Variants in SIPA1L1 observed in about 807,000 individuals in gnomAD.
SIPA1L1 encodes the protein signal-induced proliferation-associated 1-like protein 1.
Under a neutral mutation model 162.7 loss-of-function variants are expected in SIPA1L1, and 26 were observed. That is an observed-to-expected ratio of 0.16 (90% CI 0.12 to 0.22). The LOEUF is 0.22. SIPA1L1 is among the 10% of genes least tolerant of loss of function. The pLI is 1.00. For synonymous variants in SIPA1L1, 829 were observed against 837.4 expected (o/e 0.99, Z 0.17); for missense variants, 1,874 against 2,241.0 (o/e 0.84, Z 3.31).
chr14:71,561,790 T>C (rs908692513), intron 4 of SIPA1L1, among the ~76,000 whole-genome samples: 2 of 152,234 alleles, frequency 1.3e-5, no homozygotes, highest in Non-Finnish European at 2.9e-5. Context: ...TTTCACCATG[T>C]TGGTCAGGCT....
chr14:71,578,263 CTTTG>C (rs1177240534), intron 4 of SIPA1L1, among the ~76,000 whole-genome samples: 1 of 151,924 alleles, frequency 6.6e-6, no homozygotes, highest in Non-Finnish European at 1.5e-5. Flanking sequence ...TGAGGTCTTG[CTTTG>C]TTTGAGTCCA....
chr14:71,446,894 GTTTTTTTTTTTGTTTTTTTTT>G (rs757030278), intron 2 of SIPA1L1, among the ~76,000 whole-genome samples: 4 of 87,406 alleles, frequency 4.6e-5, no homozygotes, highest in African/African-American at 1.3e-4. Flanking sequence ...GATGGGCTCT[GTTTTTTTTTTTGTTTTTTTTT>G]TTTTTTTTTT....
intron 2 of SIPA1L1, among the ~76,000 whole-genome samples, chr14:71,358,107 C>G (rs1178622721): frequency 6.6e-6 from 1 of 152,080 alleles, no homozygotes; most frequent in Non-Finnish European, 1.5e-5. Flanking sequence ...AATGATCTAC[C>G]TGCCTGGACC....
chr14:71,395,098 AAG>A (rs1443792862), intron 2 of SIPA1L1, among the ~76,000 whole-genome samples: 4 of 152,216 alleles, frequency 2.6e-5, no homozygotes, highest in South Asian at 4.1e-4. Context: ...TTTTCTTAAA[AAG>A]AGTTTGTAAT....
intron 10 of SIPA1L1, among the ~76,000 whole-genome samples, chr14:71,663,554 A>G (rs943678636): frequency 4.6e-5 from 7 of 152,206 alleles, no homozygotes; most frequent in African/African-American, 1.4e-4. Flanking sequence ...CAAGTGCTCA[A>G]TAGCCACAGC....
intron 8 of SIPA1L1, among the ~76,000 whole-genome samples, chr14:71,654,466 C>A (rs575672621): frequency 6.6e-6 from 1 of 152,242 alleles, no homozygotes; most frequent in African/African-American, 2.4e-5. Context: ...TTGTTTGTCA[C>A]GTCAGTACAC....
intron 4 of SIPA1L1, among the ~76,000 whole-genome samples, chr14:71,575,974 T>G (rs1281150854): frequency 6.6e-6 from 1 of 152,238 alleles, no homozygotes; most frequent in African/African-American, 2.4e-5. Context: ...ATAACCATGA[T>G]TACGTTTTAG....
At chr14:71,364,291 T>C (rs946567754) in intron 2 of SIPA1L1, among the ~76,000 whole-genome samples, 6 of 152,172 alleles carry the variant, frequency 3.9e-5, no homozygotes, top group Admixed American at 2.0e-4. Context: ...CCCACCCTTT[T>C]TAATGTAAAC....
chr14:71,711,104 C>G (rs1423795194), intron 17 of SIPA1L1, among the ~76,000 whole-genome samples: 1 of 152,210 alleles, frequency 6.6e-6, no homozygotes, highest in Non-Finnish European at 1.5e-5. Context: ...ACCACTACCA[C>G]ATTGCAGATC....
At position 71,669,608 on chromosome 14, in the gene SIPA1L1, C is replaced by T. The variant is rs1036352207; in HGVS notation, c.2256-1511C>T. Among the ~76,000 whole-genome samples the T allele has an allele frequency of 8.5e-5, 13 of 152,242 alleles. 1 individual carries two copies. The East Asian group carries it at 9.6e-4, about 11-fold the overall frequency. Reference sequence around the variant, plus strand: ...CAAATTAAAATTATACAGCTGTCAGCGTTCAAGTCAGGCAGTTCACAATAG... The same window carrying T: ...CAAATTAAAATTATACAGCTGTCAGTGTTCAAGTCAGGCAGTTCACAATAG... On this transcript the variant is annotated intron_variant, in intron 10 of 23. Coordinates refer to ENST00000381232, the MANE Select transcript of SIPA1L1 (RefSeq NM_001386936.1).
At chr14:71,729,192 C>T (rs896028305) in intron 19 of SIPA1L1, among the ~76,000 whole-genome samples, 2 of 152,034 alleles carry the variant, frequency 1.3e-5, no homozygotes, top group Admixed American at 6.6e-5. Flanking sequence ...TGCACCACCA[C>T]GGCTGGGTAA....
chr14:71,556,168 G>C (rs369941627), intron 4 of SIPA1L1, among the ~76,000 whole-genome samples: 2 of 152,160 alleles, frequency 1.3e-5, no homozygotes, highest in East Asian at 3.9e-4. Context: ...TGCCTGTATT[G>C]TATTTATTGA....
At chr14:71,384,851 G>A (rs1443356906) in intron 2 of SIPA1L1, among the ~76,000 whole-genome samples, 1 of 152,204 alleles carries the variant, frequency 6.6e-6, no homozygotes. Context: ...CTTCAGATCG[G>A]TAGGGACTTT....
chr14:71,330,252 G>C lies in SIPA1L1; in HGVS notation c.-465+9071G>C, dbSNP rs1291708654. On this transcript the variant is annotated intron_variant, in intron 2 of 23. Coordinates refer to ENST00000381232, the MANE Select transcript of SIPA1L1 (RefSeq NM_001386936.1). ...CTCCCAACTCCACTATTCCAGGGAG[G>C]GGCTGAAAGTAGAAGTGGCTCCCCT... 4.4e-6 allele frequency: 3 copies of C among 678,842 alleles called. No homozygotes were observed. The African/African-American group carries it at 5.3e-5, about 12-fold the overall frequency. 42.1% of individuals were successfully genotyped at this position (678,842 alleles called of 1,614,324 possible).
intron 3 of SIPA1L1, among the ~76,000 whole-genome samples, chr14:71,521,650 A>T (rs1303545501): frequency 6.6e-6 from 1 of 152,224 alleles, no homozygotes; most frequent in South Asian, 2.1e-4. Flanking sequence ...TTTGCTACAA[A>T]TATGTGTCCA....
intron 2 of SIPA1L1, among the ~76,000 whole-genome samples, chr14:71,508,830 T>G (rs1051273640): frequency 6.6e-5 from 10 of 152,338 alleles, no homozygotes; most frequent in Non-Finnish European, 1.3e-4. Context: ...GAGTAGCGAT[T>G]GTCATAGATT....
intron 2 of SIPA1L1, among the ~76,000 whole-genome samples, chr14:71,458,877 C>T (rs1274279803): frequency 1.3e-5 from 2 of 151,886 alleles, no homozygotes; most frequent in East Asian, 1.9e-4. Context: ...TAGAGACCAA[C>T]CTGGCCTCTA....
intron 5 of SIPA1L1, among the ~76,000 whole-genome samples, chr14:71,593,393 G>A (rs1357917357): frequency 1.3e-5 from 2 of 151,844 alleles, no homozygotes; most frequent in African/African-American, 2.4e-5. Context: ...TGTATTTTTA[G>A]TAGAGATGGG....
At position 71,672,620 on chromosome 14, in the gene SIPA1L1, G is replaced by A. The variant is rs754497542; in HGVS notation, c.3102G>A (p.Arg1034=). The change falls in exon 12 of 24, where the codon CGG becomes CGA. Residue 1034 remains arginine (R), a splice_region_variant and synonymous_variant. Coordinates refer to ENST00000381232, the MANE Select transcript of SIPA1L1 (RefSeq NM_001386936.1). ...IIPPHDDCTP[R]RSCSETYRMP... The stretch of plus-strand genomic sequence containing the variant: ...CCCCGCATGATGACTGCACCCCGCG[G>A]AGGTAGGTCTGAGGAGACAGCTGTG... 8 of 1,612,776 alleles carry A rather than the reference G, an allele frequency of 5.0e-6. No homozygotes were observed. The African/African-American group carries it at 6.7e-5, about 13-fold the overall frequency.
Sources: allele counts gnomAD v4.1 joint callset (sites outside exome capture counted in the v4.1 genomes callset), GRCh38; gene constraint gnomAD v4.1.1; transcripts MANE v1.5; gene names NCBI Gene and HGNC (gene_info 2026-07-23, HGNC 2026-07-21).